Variants in VWC2 observed in about 807,000 individuals in gnomAD.
The protein encoded by VWC2 is brorin.
VWC2 carries 14 observed loss-of-function variants against 29.8 expected under a neutral mutation model. The observed-to-expected ratio is 0.47, with a 90% CI of 0.31 to 0.74. VWC2 has a LOEUF of 0.74. Among genes scored for constraint, VWC2 ranks in the 30% least tolerant of loss-of-function variants. The pLI, the probability that VWC2 is intolerant of heterozygous loss-of-function variation, is 0.05. For synonymous variants in VWC2, 213 were observed against 199.0 expected, an observed-to-expected ratio of 1.07 and a Z score of -0.59; for missense variants, 457 against 459.8, an observed-to-expected ratio of 0.99 and a Z score of 0.05.
intron 3 of VWC2, among the ~76,000 whole-genome samples, chr7:49,883,799 T>C (rs942415865): frequency 6.6e-6 from 1 of 152,220 alleles, no homozygotes; most frequent in African/African-American, 2.4e-5. Context: ...AAGTATCAGT[T>C]AAAATCAATG....
intron 3 of VWC2, among the ~76,000 whole-genome samples, chr7:49,910,376 T>A (rs1793344436): frequency 6.6e-6 from 1 of 152,252 alleles, no homozygotes; most frequent in African/African-American, 2.4e-5. Context: ...CTTCACACGC[T>A]ATAATTAAAC....
intron 3 of VWC2, among the ~76,000 whole-genome samples, chr7:49,816,321 T>A (rs1359123346): frequency 6.6e-6 from 1 of 152,158 alleles, no homozygotes; most frequent in Non-Finnish European, 1.5e-5. Flanking sequence ...GTTAAGGGTG[T>A]CTGAAAAGAG....
chr7:49,888,504 G>A (rs1279739445), intron 3 of VWC2, among the ~76,000 whole-genome samples: 1 of 152,110 alleles, frequency 6.6e-6, no homozygotes, highest in Admixed American at 6.5e-5. Flanking sequence ...CACTATGAAG[G>A]GGTTAAGACC....
intron 3 of VWC2, among the ~76,000 whole-genome samples, chr7:49,804,107 TC>T (rs1361356723): frequency 4.6e-5 from 7 of 151,310 alleles, no homozygotes; most frequent in African/African-American, 1.7e-4. Context: ...TATGAAGAAA[TC>T]CTGAGGTAGG....
rs192348153 is a variant in VWC2, at chr7:49,856,881, C to T, written c.826+54041C>T. ...AAAATTAGCTGGGCGTGGTGGCGGG[C>T]GCCTGTAGTCCCAGCTACTCGGGAG... is the stretch of plus-strand genomic sequence containing the variant. On this transcript the variant is annotated intron_variant, in intron 3 of 3. Transcript: ENST00000340652. 7.6e-3 allele frequency among the ~76,000 whole-genome samples: 1,148 copies of T among 151,668 alleles called. 23 individuals are homozygous for T. The highest frequency in any genetic ancestry group is 0.026 in the African/African-American group (1,084 of 41,362).
At chr7:49,815,709 TA>T (rs1354420996) in intron 3 of VWC2, among the ~76,000 whole-genome samples, 3 of 152,214 alleles carry the variant, frequency 2.0e-5, no homozygotes, top group Non-Finnish European at 4.4e-5. Flanking sequence ...TATTATACAG[TA>T]AAACTTTGGT....
chr7:49,785,715 G>T (rs1282076370), intron 2 of VWC2, among the ~76,000 whole-genome samples: 1 of 152,172 alleles, frequency 6.6e-6, no homozygotes, highest in East Asian at 1.9e-4. Flanking sequence ...CACAGTAGGA[G>T]AATATTTTTA....
chr7:49,780,046 A>G (rs1482792461), intron 2 of VWC2, among the ~76,000 whole-genome samples: 1 of 152,258 alleles, frequency 6.6e-6, no homozygotes, highest in Non-Finnish European at 1.5e-5. Flanking sequence ...AGGTTAGCCC[A>G]AAACATAGTG....
chr7:49,774,488 C>T (rs1475318559), intron 1 of VWC2, among the ~76,000 whole-genome samples: 1 of 152,218 alleles, frequency 6.6e-6, no homozygotes, highest in Non-Finnish European at 1.5e-5. Flanking sequence ...AAAGGCTGGC[C>T]GGGATCCAGC....
At chr7:49,865,951 C>CA (rs1181809496) in intron 3 of VWC2, among the ~76,000 whole-genome samples, 1 of 152,258 alleles carries the variant, frequency 6.6e-6, no homozygotes, top group African/African-American at 2.4e-5. Flanking sequence ...GTCTACTCGG[C>CA]ACCATCTTAA....
rs1345597959 is a variant in VWC2 at position 49,775,838 on chromosome 7, C to G, written c.403C>G (p.Leu135Val). ...CGCCCAGGACGCGATTGGCCCGGAA[C>G]TCGCGCCCACGCCCGAGCCACCCGA... is the stretch of plus-strand genomic sequence containing the variant. ...AAAQDAIGPE[L>V]APTPEPPEEY... The change falls in exon 2 of 4, where the codon CTC becomes GTC. Residue 135 changes from leucine (L) to valine (V), a missense_variant. Coordinates refer to ENST00000340652, the MANE Select transcript of VWC2 (RefSeq NM_198570.5). 3 of 1,549,622 alleles carry G rather than the reference C, an allele frequency of 1.9e-6. No individual in the cohort carries two copies. The highest frequency in any genetic ancestry group is 2.6e-6 in the Non-Finnish European group (3 of 1,147,586).
chr7:49,870,641 G>A (rs979167912), intron 3 of VWC2, among the ~76,000 whole-genome samples: 1 of 152,186 alleles, frequency 6.6e-6, no homozygotes, highest in African/African-American at 2.4e-5. Context: ...GCTCACATGT[G>A]CATCAGGAAG....
intron 3 of VWC2, among the ~76,000 whole-genome samples, chr7:49,822,850 C>A (rs1789294476): frequency 6.6e-6 from 1 of 152,176 alleles, no homozygotes; most frequent in Admixed American, 6.5e-5. Flanking sequence ...CAGTCCCTTC[C>A]TTTTTACTGT....
At chr7:49,859,018 G>A (rs1312468015) in intron 3 of VWC2, among the ~76,000 whole-genome samples, 2 of 152,186 alleles carry the variant, frequency 1.3e-5, no homozygotes, top group Non-Finnish European at 2.9e-5. Context: ...GTTGCTATCT[G>A]ATGGTTTTTA....
At chr7:49,786,354 T>C (rs1180701339) in intron 2 of VWC2, among the ~76,000 whole-genome samples, 1 of 152,248 alleles carries the variant, frequency 6.6e-6, no homozygotes, top group Non-Finnish European at 1.5e-5. Context: ...ATGGTGTATA[T>C]GTACCACATT....
intron 3 of VWC2, among the ~76,000 whole-genome samples, chr7:49,903,689 C>T (rs537612480): frequency 7.9e-5 from 12 of 152,196 alleles, no homozygotes; most frequent in African/African-American, 2.2e-4. Flanking sequence ...ATAACATAGA[C>T]GTATATGCAC....
chr7:49,832,913 A>G (rs1036628933), intron 3 of VWC2, among the ~76,000 whole-genome samples: 3 of 152,220 alleles, frequency 2.0e-5, no homozygotes, highest in African/African-American at 4.8e-5. Flanking sequence ...TCAGAAATCA[A>G]CCCTGCTCCA....
At position 49,827,514 on chromosome 7, in the gene VWC2, TTTTTA is replaced by T. The variant is rs573626193; in HGVS notation, c.826+24681_826+24685del. Among the ~76,000 whole-genome samples, 255 of 30,766 alleles carry T rather than the reference TTTTTA, an allele frequency of 8.3e-3. 1 individual carries two copies. The highest frequency in any genetic ancestry group is 0.025 in the African/African-American group (213 of 8,662). 20.2% of individuals were successfully genotyped at this position (30,766 alleles called of 152,430 possible). The stretch of plus-strand genomic sequence containing the variant: ...TATTGTAACTAGCCTTTGTTGTCTC[TTTTTA>T]TTTTATGTTGTATAAAACAATAACT... On this transcript the variant is annotated intron_variant, in intron 3 of 3. Coordinates refer to ENST00000340652, the MANE Select transcript of VWC2 (RefSeq NM_198570.5).
intron 2 of VWC2, among the ~76,000 whole-genome samples, chr7:49,780,021 A>G (rs1230467784): frequency 6.6e-6 from 1 of 152,244 alleles, no homozygotes; most frequent in African/African-American, 2.4e-5. Context: ...CAAAATTTGA[A>G]TTGTAGAAGC....
Sources: gnomAD v4.1 joint callset for allele counts (sites outside exome capture counted in the v4.1 genomes callset) on GRCh38, gnomAD v4.1.1 for gene constraint, MANE v1.5 for transcripts, NCBI Gene and HGNC (gene_info 2026-07-23, HGNC 2026-07-21) for gene names.